Variants in LPO observed in about 807,000 individuals in gnomAD.
The protein encoded by LPO is lactoperoxidase, also known as salivary peroxidase.
Under a neutral mutation model 68.4 loss-of-function variants are expected in LPO, and 70 were observed. That is an observed-to-expected ratio of 1.02 (90% CI 0.84 to 1.25). The LOEUF (loss-of-function observed/expected upper bound fraction) is 1.25, where lower values mean the gene tolerates loss of function less well. LPO is among the 50% of genes most tolerant of loss of function. LPO has a pLI of 0.00. For missense variants in LPO, 873 were observed against 908.4 expected (o/e 0.96, Z 0.50); for synonymous variants, 360 against 357.6 (o/e 1.01, Z -0.08).
In LPO at chr17:58,249,671, GCGCAACGGCTTCCCTCTCC is replaced by G. The variant is rs746680338; in HGVS notation, c.553_571del (p.Asn185TrpfsTer13). 79 of 1,580,254 alleles carry G rather than the reference GCGCAACGGCTTCCCTCTCC, an allele frequency of 5.0e-5. No homozygotes were observed. The highest frequency in any genetic ancestry group is 6.5e-5 in the Non-Finnish European group (76 of 1,169,966). ...CCTTCGGCTGGACGCCGGGGAAGAC[GCGCAACGGCTTCCCTCTCC>G]CGCTGGTGAGGGCAGGCCGGGCCGG... On this transcript the variant is annotated frameshift_variant, in exon 6 of 13. Transcript: ENST00000262290. LOFTEE classifies it high-confidence loss of function.
chr17:58,247,370 G>A (rs1164702371), intron 3 of LPO, 108 bp from the exon 4 acceptor site: 1 of 918,460 alleles, frequency 1.1e-6, no homozygotes, highest in Non-Finnish European at 1.6e-6. Flanking sequence ...CAGTGCAGCA[G>A]CTGGGTTATG....
At chr17:58,256,843 A>G (rs1025906924) in intron 9 of LPO, among the ~76,000 whole-genome samples, 37 of 150,682 alleles carry the variant, frequency 2.5e-4, no homozygotes, top group African/African-American at 8.6e-4. Flanking sequence ...AAAAAAAAAA[A>G]GAATGAGGTA....
chr17:58,261,531 AG>A (rs1167440986), intron 9 of LPO, among the ~76,000 whole-genome samples: 2 of 151,742 alleles, frequency 1.3e-5, no homozygotes, highest in African/African-American at 4.8e-5. Flanking sequence ...GACATCATAT[AG>A]TTGGGTCACT....
intron 6 of LPO, among the ~76,000 whole-genome samples, 198 bp downstream of exon 6, chr17:58,249,893 T>C (rs368282312): frequency 1.8e-4 from 27 of 152,346 alleles, no homozygotes; most frequent in African/African-American, 6.3e-4. Context: ...GGTCACGTTC[T>C]GGCCGCCGCA....
At chr17:58,261,198 C>T (rs1206852072) in intron 9 of LPO, among the ~76,000 whole-genome samples, 1 of 152,130 alleles carries the variant, frequency 6.6e-6, no homozygotes, top group Non-Finnish European at 1.5e-5. Flanking sequence ...GTAATTCTCC[C>T]ACTTACTGAG....
chr17:58,254,998 C>T (rs761581681), intron 9 of LPO, 27 bp downstream of exon 9: 9 of 1,607,178 alleles, frequency 5.6e-6, no homozygotes, highest in Admixed American at 3.4e-5. Flanking sequence ...GCACTGTCAC[C>T]TGGTCCCACC....
chr17:58,261,743 G>T (rs1468273972), intron 9 of LPO, among the ~76,000 whole-genome samples: 2 of 151,908 alleles, frequency 1.3e-5, no homozygotes, highest in Non-Finnish European at 2.9e-5. Flanking sequence ...TGGGTTAATT[G>T]AACATTTTTT....
At position 58,265,574 on chromosome 17, in the gene LPO, T is replaced by C. The variant is rs1022276421; in HGVS notation, c.1520-579T>C. Among the ~76,000 whole-genome samples, 3 of 29,338 alleles carry C rather than the reference T, an allele frequency of 1.0e-4. No homozygotes were observed. The African/African-American group carries it at 1.6e-3, about 16-fold the overall frequency. 19.2% of individuals were successfully genotyped at this position (29,338 alleles called of 152,430 possible). A position where few individuals can be genotyped will look rare whatever the true frequency, so the allele number is the denominator to read the frequency against. On this transcript the variant is annotated intron_variant, in intron 10 of 12. Transcript: ENST00000262290. ...CATGAACTAGAGCTTTAAAAATACC[T>C]TTTTTTTTTTTTTTTTTTTTTTTTT...
chr17:58,250,950 G>A (rs1052557524), intron 7 of LPO: 3 of 321,540 alleles, frequency 9.3e-6, no homozygotes, highest in Admixed American at 4.3e-5. Context: ...CTACATTCCC[G>A]ACCCAGCAGC....
Position 58,245,359 on chromosome 17 carries a change from G to A in LPO, c.164+1278G>A, listed in dbSNP as rs183829880. On this transcript the variant is annotated intron_variant, in intron 3 of 12. Transcript: ENST00000262290. ...TGAACAGTTCAGTCCTCAAGGGGCC[G>A]GAAGCTCTCTCTCTCTCTCTCCCCT... Among the ~76,000 whole-genome samples the A allele has an allele frequency of 3.2e-4, 48 of 152,084 alleles. No individual in the cohort carries two copies. In the East Asian group the frequency reaches 8.0e-3, roughly 25 times the overall value.
intron 6 of LPO, 56 bp downstream of exon 6, chr17:58,249,751 TACC>T: frequency 6.6e-7 from 1 of 1,506,962 alleles, no homozygotes; most frequent in Non-Finnish European, 8.8e-7. Flanking sequence ...CGGGATGCAC[TACC>T]CAAACACGCA....
chr17:58,245,754 C>T (rs141691110), intron 3 of LPO, among the ~76,000 whole-genome samples: 313 of 152,254 alleles, frequency 2.1e-3, no homozygotes, highest in Non-Finnish European at 3.3e-3. Context: ...TTGGGAGGGA[C>T]GTGCCCAGTA....
rs912633888 is a variant in LPO, at chr17:58,249,816, T to G, written c.573+121T>G. On this transcript the variant is annotated intron_variant, in intron 6 of 12. Transcript: ENST00000262290. ...GGGCAGCAGGGGTGCGCGATGGAGA[T>G]CTGCACAGACCCCCACCTTCCGCTA... 1.8e-5 allele frequency: 24 copies of G among 1,334,370 alleles called. No individual in the cohort carries two copies. In the African/African-American group the frequency reaches 2.7e-4, roughly 15 times the overall value. The allele number at this position is 1,334,370 out of a possible 1,614,324, so 82.7% of individuals were successfully genotyped here.
intron 9 of LPO, among the ~76,000 whole-genome samples, chr17:58,261,171 A>G (rs1477596017): frequency 6.6e-6 from 1 of 152,208 alleles, no homozygotes; most frequent in Admixed American, 6.5e-5. Context: ...TCTGTACTCC[A>G]GCTAATTTTC....
intron 1 of LPO, among the ~76,000 whole-genome samples, chr17:58,242,478 G>T (rs2143880424): frequency 6.6e-6 from 1 of 152,352 alleles, no homozygotes; most frequent in East Asian, 1.9e-4. Flanking sequence ...GAGGAAACTG[G>T]CTTGCAGGGA....
intron 1 of LPO, among the ~76,000 whole-genome samples, chr17:58,240,952 G>T (rs565732374): frequency 2.0e-5 from 3 of 152,106 alleles, no homozygotes; most frequent in Admixed American, 2.0e-4. Flanking sequence ...ATAGGGAGTT[G>T]GTGTTCAATG....
At position 58,267,347 on chromosome 17, in the gene LPO, AG is replaced by A; in HGVS notation, c.1695del. ...GAGACAGCCTCAGTCTCTCCACCCT[AG>A]GGTACAATTCCTGGAGAGCCTTCTG... On this transcript the variant is annotated splice_acceptor_variant, in intron 11 of 12. Coordinates refer to ENST00000262290, the MANE Select transcript of LPO (RefSeq NM_006151.3). LOFTEE classifies it high-confidence loss of function. 1 of 1,612,664 alleles carries A rather than the reference AG, an allele frequency of 6.2e-7. No homozygotes were observed. Among genetic ancestry groups the A allele is most frequent in the Non-Finnish European group, 8.5e-7 (1 of 1,178,756 alleles).
rs1036787534 is a variant in LPO, at chr17:58,254,368, C to T, written c.1106-443C>T. Among the ~76,000 whole-genome samples, 10 of 152,256 alleles carry T rather than the reference C, an allele frequency of 6.6e-5. No individual in the cohort carries two copies. In the East Asian group the frequency reaches 1.2e-3, roughly 18 times the overall value. The stretch of plus-strand genomic sequence containing the variant: ...AGAGGAACTCAGCCTTACCCAAGCT[C>T]CTCACCTCAAACCCGCATTCCTAAA... On this transcript the variant is annotated intron_variant, in intron 8 of 12. Transcript: ENST00000262290.
At position 58,249,051 on chromosome 17, in the gene LPO, C is replaced by T. The variant is rs775230910; in HGVS notation, c.326-9C>T. 4.3e-6 allele frequency: 7 copies of T among 1,610,724 alleles called. No homozygotes were observed. In the South Asian group the frequency reaches 7.7e-5, roughly 18 times the overall value. ...GAACTCAGTCCCTTTGGGGTCCCTT[C>T]TGTTTCAGATCCCAGCCTGGACTTG... On this transcript the variant is annotated splice_polypyrimidine_tract_variant and intron_variant, in intron 4 of 12. Transcript: ENST00000262290.
Sources: allele counts gnomAD v4.1 joint callset (sites outside exome capture counted in the v4.1 genomes callset), GRCh38; gene constraint gnomAD v4.1.1; transcripts MANE v1.5; gene names NCBI Gene and HGNC (gene_info 2026-07-23, HGNC 2026-07-21).